FGF1: variants seen among roughly 807,000 people sequenced by gnomAD.
The protein encoded by FGF1 is beta-endothelial cell growth factor.
In FGF1, 9 loss-of-function variants were observed where a neutral mutation model predicts 13.4. The ratio of observed to expected loss-of-function variants is 0.67; its 90% confidence interval spans 0.40 to 1.17. The LOEUF (loss-of-function observed/expected upper bound fraction) is 1.17. Ranked by LOEUF, FGF1 falls within the 50% of genes most tolerant of loss-of-function variation. The probability of loss-of-function intolerance (pLI) is 0.01; values close to 1 mark genes in which losing one functional copy is unlikely to be tolerated. For missense variants in FGF1, 156 were observed against 192.7 expected (o/e 0.81, Z 1.13); for synonymous variants, 93 against 79.0 (o/e 1.18, Z -0.94).
rs76584713 is a variant in FGF1, at chr5:142,651,387, G to A, written c.-35+34570C>T. On this transcript the variant is annotated intron_variant, in intron 1 of 3. Coordinates refer to ENST00000337706, the MANE Select transcript of FGF1 (RefSeq NM_000800.5). ...AGTAGTTTCAGGTTCCAGCAAAACC[G>A]AGCAGAAAGGACAGAGAATTCCTCT... Among the ~76,000 whole-genome samples, 1,058 of 152,214 alleles carry A rather than the reference G, an allele frequency of 7.0e-3. 8 individuals carry two copies. The highest frequency in any genetic ancestry group is 0.024 in the African/African-American group (995 of 41,510).
At chr5:142,672,279 A>T (rs1771616885) in intron 1 of FGF1, among the ~76,000 whole-genome samples, 1 of 152,168 alleles carries the variant, frequency 6.6e-6, no homozygotes, top group Non-Finnish European at 1.5e-5. Flanking sequence ...TCCTATAATG[A>T]GATCTATTAC....
chr5:142,654,214 G>A (rs1767761606), intron 1 of FGF1, among the ~76,000 whole-genome samples: 3 of 152,198 alleles, frequency 2.0e-5, no homozygotes, highest in South Asian at 4.1e-4. Context: ...CAGCATCCAG[G>A]TCTTTTTCTA....
chr5:142,692,851 CAAA>C (rs1752462659), intron 2 of FGF1, among the ~76,000 whole-genome samples: 1 of 152,058 alleles, frequency 6.6e-6, no homozygotes, highest in African/African-American at 2.4e-5. Context: ...AACAAACAAA[CAAA>C]CAAACCCAAT....
At chr5:142,671,810 C>T (rs1220029091) in intron 1 of FGF1, 3 of 152,186 alleles carry the variant, frequency 2.0e-5, no homozygotes, top group Non-Finnish European at 4.4e-5. Context: ...CTCGGGAGAC[C>T]TTTACCTGTT....
At chr5:142,646,011 T>C (rs1339687573) in intron 1 of FGF1, among the ~76,000 whole-genome samples, 1 of 151,998 alleles carries the variant, frequency 6.6e-6, no homozygotes, top group Non-Finnish European at 1.5e-5. Flanking sequence ...CGCGTTCAAG[T>C]CATTCTCCTG....
chr5:142,613,087 C>T (rs1263459969), intron 2 of FGF1, among the ~76,000 whole-genome samples: 1 of 152,128 alleles, frequency 6.6e-6, no homozygotes, highest in East Asian at 1.9e-4. Flanking sequence ...GATTGCTGAC[C>T]CTCTAAGCAG....
chr5:142,697,568 C>G (rs1335775453), intron 2 of FGF1: 3 of 152,244 alleles, frequency 2.0e-5, no homozygotes, highest in Admixed American at 2.0e-4. Context: ...CAACATGAAG[C>G]CAAGCAGAAA....
At chr5:142,658,291 A>C (rs1264463830) in intron 1 of FGF1, among the ~76,000 whole-genome samples, 1 of 152,170 alleles carries the variant, frequency 6.6e-6, no homozygotes, top group East Asian at 1.9e-4. Flanking sequence ...ATCCATGGCA[A>C]TTGCTTCTAG....
At chr5:142,609,999 G>A (rs1469647160) in intron 2 of FGF1, among the ~76,000 whole-genome samples, 2 of 152,280 alleles carry the variant, frequency 1.3e-5, no homozygotes, top group South Asian at 2.1e-4. Flanking sequence ...CATGATGTTG[G>A]TGTCGGATGG....
chr5:142,670,039 G>A (rs975552012), intron 1 of FGF1, among the ~76,000 whole-genome samples: 3 of 152,122 alleles, frequency 2.0e-5, no homozygotes, highest in Non-Finnish European at 4.4e-5. Flanking sequence ...AGTGGGTGCC[G>A]GAGCCTCGGG....
intron 1 of FGF1, among the ~76,000 whole-genome samples, chr5:142,676,304 G>C (rs1482396777): frequency 6.6e-6 from 1 of 152,186 alleles, no homozygotes; most frequent in Non-Finnish European, 1.5e-5. Context: ...GCTGTGCATT[G>C]CGTGCTAAAA....
At chr5:142,595,772 C>A (rs1755122431) in intron 3 of FGF1, among the ~76,000 whole-genome samples, 1 of 152,208 alleles carries the variant, frequency 6.6e-6, no homozygotes, top group South Asian at 2.1e-4. Context: ...GATAAGAGCA[C>A]TTCTAAGAGT....
chr5:142,612,203 C>T lies in FGF1; in HGVS notation c.169+1756G>A, dbSNP rs560709729. On this transcript the variant is annotated intron_variant, in intron 2 of 3. Transcript: ENST00000337706. ...ACATCTTAAGTCAGGCGGCCAAATC[C>T]ACTGTGGACTCCAGAAGTTGTGCCA... is the stretch of plus-strand genomic sequence containing the variant. 2.0e-5 allele frequency among the ~76,000 whole-genome samples: 3 copies of T among 152,320 alleles called. No individual in the cohort carries two copies. In the South Asian group the frequency reaches 6.2e-4, roughly 32 times the overall value.
intron 2 of FGF1, among the ~76,000 whole-genome samples, chr5:142,607,540 G>T (rs990205619): frequency 6.6e-6 from 1 of 152,120 alleles, no homozygotes; most frequent in East Asian, 1.9e-4. Flanking sequence ...TTTTAAAAAG[G>T]TACTCTAACG....
rs137906816 is a variant in FGF1 at position 142,622,556 on chromosome 5, A to G, written c.-34-8395T>C. Among the ~76,000 whole-genome samples the G allele has an allele frequency of 1.1e-4, 17 of 152,342 alleles. No homozygotes were observed. In the South Asian group the frequency reaches 2.1e-3, roughly 19 times the overall value. On this transcript the variant is annotated intron_variant, in intron 1 of 3. Transcript: ENST00000337706. Reference sequence around the variant, plus strand: ...TCCTTATTTCTTTAAAGAAAATACTATGGAAACTAAGGATCTCAGAAAGGA... The same window carrying G: ...TCCTTATTTCTTTAAAGAAAATACTGTGGAAACTAAGGATCTCAGAAAGGA...
chr5:142,657,475 C>CAA (rs1385877272), intron 1 of FGF1, among the ~76,000 whole-genome samples: 2 of 152,256 alleles, frequency 1.3e-5, no homozygotes, highest in Non-Finnish European at 2.9e-5. Context: ...ACCCCTCCAC[C>CAA]AAAACAACCT....
At chr5:142,675,983 C>G (rs542820994) in intron 1 of FGF1, among the ~76,000 whole-genome samples, 165 of 152,310 alleles carry the variant, frequency 1.1e-3, no homozygotes, top group Middle Eastern at 3.4e-3. Flanking sequence ...TTGGGAACAT[C>G]TACAGCTTAA....
intron 1 of FGF1, chr5:142,680,814 G>A (rs1017140766): frequency 6.6e-6 from 1 of 152,228 alleles, no homozygotes; most frequent in East Asian, 1.9e-4. Flanking sequence ...AAAGGAAGCC[G>A]AGCAACAGCC....
At chr5:142,640,847 C>T (rs774354023) in intron 1 of FGF1, among the ~76,000 whole-genome samples, 11 of 151,926 alleles carry the variant, frequency 7.2e-5, no homozygotes, top group African/African-American at 1.2e-4. Flanking sequence ...TTGCATCCTC[C>T]GTTTGGCCTC....
Sources: allele counts gnomAD v4.1 joint callset (sites outside exome capture counted in the v4.1 genomes callset), GRCh38; gene constraint gnomAD v4.1.1; transcripts MANE v1.5; gene names NCBI Gene and HGNC (gene_info 2026-07-23, HGNC 2026-07-21).